Variants in DEPDC5 observed in about 807,000 individuals in gnomAD.
DEPDC5 encodes GATOR1 complex protein DEPDC5.
In DEPDC5, 73 loss-of-function variants were observed where a neutral mutation model predicts 217.3. The ratio of observed to expected loss-of-function variants is 0.34; its 90% CI spans 0.28 to 0.41. The LOEUF (loss-of-function observed/expected upper bound fraction) is 0.41. Among genes scored for constraint, DEPDC5 ranks in the 10% least tolerant of loss-of-function variants. DEPDC5 has a pLI of 1.00. For missense variants in DEPDC5, 1,675 were observed against 2,070.1 expected (o/e 0.81, Z 3.70); for synonymous variants, 733 against 756.7 (o/e 0.97, Z 0.51).
intron 34 of DEPDC5, among the ~76,000 whole-genome samples, chr22:31,872,320 G>T (rs2092868146): frequency 6.6e-6 from 1 of 152,218 alleles, no homozygotes; most frequent in Non-Finnish European, 1.5e-5. Context: ...CCTTTAGTCA[G>T]TTTCAAAGGG....
intron 12 of DEPDC5, among the ~76,000 whole-genome samples, chr22:31,797,214 A>G (rs1794060490): frequency 2.0e-5 from 3 of 151,932 alleles, no homozygotes; most frequent in African/African-American, 7.3e-5. Context: ...CCATTTTCTC[A>G]CTGCTGTAAA....
At chr22:31,798,168 C>T (rs938125237) in intron 13 of DEPDC5, among the ~76,000 whole-genome samples, 7 of 152,162 alleles carry the variant, frequency 4.6e-5, no homozygotes. Flanking sequence ...AGCGATCTTC[C>T]TGCCTCCACC....
At chr22:31,839,359 G>T (rs1490870723) in intron 27 of DEPDC5, among the ~76,000 whole-genome samples, 2 of 152,210 alleles carry the variant, frequency 1.3e-5, no homozygotes, top group Non-Finnish European at 2.9e-5. Flanking sequence ...GAGAATCGGT[G>T]TTGCTAATTG....
At position 31,843,742 on chromosome 22, in the gene DEPDC5, G is replaced by A. The variant is rs1214608865; in HGVS notation, c.2731G>A (p.Glu911Lys). The A allele has an allele frequency of 1.9e-6, 3 of 1,613,888 alleles. No individual in the cohort carries two copies. The highest frequency in any genetic ancestry group is 1.7e-6 in the Non-Finnish European group (2 of 1,179,992). Residue 911 changes from glutamate (E) to lysine (K), a missense_variant, in exon 29 of 43, where the codon GAA becomes AAA. Around this residue, in one of 11 missense-constraint regions of DEPDC5, gnomAD observed 293 missense variants for 386.1 expected, o/e 0.76. Transcript: ENST00000651528. ...FVSCWVEFSHERLEEYKWNYL... is the reference protein window; with the variant it reads ...FVSCWVEFSHKRLEEYKWNYL... ...CTCCTGCTGGGTGGAATTCTCCCACGAACGGCTGGAGGAGTACAAGTGGAA... is the reference window on the plus strand; with the variant it reads ...CTCCTGCTGGGTGGAATTCTCCCACAAACGGCTGGAGGAGTACAAGTGGAA...
chr22:31,836,671 C>G (rs963449246), intron 25 of DEPDC5, among the ~76,000 whole-genome samples: 1 of 152,144 alleles, frequency 6.6e-6, no homozygotes, highest in Non-Finnish European at 1.5e-5. Flanking sequence ...TTCTGCCTGC[C>G]CTGCCGTAAT....
intron 17 of DEPDC5, 23 bp from the exon 18 acceptor site, chr22:31,806,099 G>A: frequency 6.3e-7 from 1 of 1,596,524 alleles, no homozygotes. Flanking sequence ...TTAGATTAAT[G>A]ACTCTGTTTG....
intron 33 of DEPDC5, among the ~76,000 whole-genome samples, chr22:31,869,801 A>T (rs1195782360): frequency 6.6e-6 from 1 of 152,010 alleles, no homozygotes; most frequent in Admixed American, 6.6e-5. Flanking sequence ...TCATGGGGAG[A>T]CTTGAAAGTT....
At chr22:31,846,760 A>G in intron 30 of DEPDC5, 74 bp from the exon 31 acceptor site, 1 of 1,605,414 alleles carries the variant, frequency 6.2e-7, no homozygotes, top group Non-Finnish European at 8.5e-7. Flanking sequence ...ATGCTGCAGC[A>G]TGCCCTGGGG....
At chr22:31,861,101 C>T (rs1312964970) in intron 32 of DEPDC5, among the ~76,000 whole-genome samples, 4 of 151,680 alleles carry the variant, frequency 2.6e-5, no homozygotes, top group Non-Finnish European at 5.9e-5. Context: ...GGATATTCTG[C>T]CCAGGAAGGT....
At chr22:31,760,050 C>A (rs1216152886) in intron 3 of DEPDC5, among the ~76,000 whole-genome samples, 1 of 148,374 alleles carries the variant, frequency 6.7e-6, no homozygotes, top group Non-Finnish European at 1.5e-5. Flanking sequence ...TCCTTTAGTG[C>A]GTATGGAGTT....
At chr22:31,762,210 C>G (rs2082451770) in intron 4 of DEPDC5, among the ~76,000 whole-genome samples, 1 of 152,076 alleles carries the variant, frequency 6.6e-6, no homozygotes, top group Admixed American at 6.6e-5. Flanking sequence ...AAGGTACTAT[C>G]CTGGGAGCTT....
intron 38 of DEPDC5, among the ~76,000 whole-genome samples, chr22:31,885,710 G>A (rs999151324): frequency 2.1e-5 from 3 of 141,908 alleles, no homozygotes; most frequent in African/African-American, 5.3e-5. Context: ...GGGCAACAGA[G>A]CGAGACTCCA....
intron 33 of DEPDC5, among the ~76,000 whole-genome samples, chr22:31,866,698 T>A (rs552402845): frequency 6.6e-6 from 1 of 152,310 alleles, no homozygotes; most frequent in Non-Finnish European, 1.5e-5. Context: ...CCTTACTTTT[T>A]AAAATGACCT....
chr22:31,874,687 G>T (rs1385237536), intron 36 of DEPDC5, among the ~76,000 whole-genome samples: 2 of 152,100 alleles, frequency 1.3e-5, no homozygotes, highest in African/African-American at 4.8e-5. Flanking sequence ...TATGATTTTT[G>T]GGGGAATGCC....
intron 26 of DEPDC5, among the ~76,000 whole-genome samples, chr22:31,838,047 T>C (rs181478318): frequency 4.6e-5 from 7 of 152,332 alleles, no homozygotes. Flanking sequence ...TCCAGAGTTC[T>C]ATTGACATCA....
At chr22:31,796,099 CTT>C (rs60336012) in intron 12 of DEPDC5, among the ~76,000 whole-genome samples, 9,121 of 127,358 alleles carry the variant, frequency 0.072, 245 homozygotes, top group South Asian at 0.17. Context: ...TCCACAGTAT[CTT>C]TTTTTTTTTT....
rs540254099 is a variant in DEPDC5, at chr22:31,794,962, A to G, written c.767+2145A>G. Reference sequence around the variant, plus strand: ...AGGAATTCAAAGCACACTCAATTCCATCTACCAAATATAGTCTTCATTACT... The same window carrying G: ...AGGAATTCAAAGCACACTCAATTCCGTCTACCAAATATAGTCTTCATTACT... On this transcript the variant is annotated intron_variant, in intron 12 of 42. Transcript: ENST00000651528. 2.0e-4 allele frequency among the ~76,000 whole-genome samples: 30 copies of G among 152,264 alleles called. No homozygotes were observed. In the South Asian group the frequency reaches 5.6e-3, roughly 28 times the overall value.
intron 10 of DEPDC5, among the ~76,000 whole-genome samples, chr22:31,786,869 T>C (rs2085046971): frequency 6.6e-6 from 1 of 151,726 alleles, no homozygotes; most frequent in Admixed American, 6.6e-5. Context: ...CTGCCTCAAT[T>C]CTCCACCTGT....
intron 35 of DEPDC5, 31 bp downstream of exon 35, chr22:31,873,363 A>C (rs2149249946): frequency 6.2e-7 from 1 of 1,604,108 alleles, no homozygotes; most frequent in African/African-American, 1.3e-5. Flanking sequence ...TAGGGTTGGA[A>C]GGTTCCCAGA....
Sources: allele counts gnomAD v4.1 joint callset (sites outside exome capture counted in the v4.1 genomes callset), GRCh38; gene constraint gnomAD v4.1.1; regional missense constraint gnomAD v4.1.1; transcripts MANE v1.5; gene names NCBI Gene and HGNC (gene_info 2026-07-23, HGNC 2026-07-21).